Variants in MROH1 observed in about 807,000 individuals in gnomAD.
MROH1 encodes maestro heat-like repeat-containing protein family member 1.
MROH1 carries 117 observed loss-of-function variants against 116.5 expected under a neutral mutation model. The observed-to-expected ratio is 1.00, with a 90% confidence interval of 0.86 to 1.17. The LOEUF (loss-of-function observed/expected upper bound fraction) is 1.17. MROH1 is among the 50% of genes most tolerant of loss of function. The pLI is 0.00. For synonymous variants in MROH1, 921 were observed against 583.9 expected, an observed-to-expected ratio of 1.58 and a Z score of -8.32; for missense variants, 1,873 against 1,338.5, an observed-to-expected ratio of 1.40 and a Z score of -6.23.
rs780241144 is a variant in MROH1 at position 144,179,580 on chromosome 8, G to C, written c.294G>C (p.Lys98Asn). 6 of 1,608,932 alleles carry C rather than the reference G, an allele frequency of 3.7e-6. No individual in the cohort carries two copies. The African/African-American group carries it at 8.0e-5, about 21-fold the overall frequency. Residue 98 changes from lysine to asparagine, a missense_variant, in exon 5 of 44, where the codon AAG becomes AAC. Physicochemically the swap from Lys to Asn is moderately conservative, Grantham distance 94. Coordinates refer to ENST00000326134, the MANE Select transcript of MROH1 (RefSeq NM_032450.3). ...IILLASSEMTKTKDLVWDWQQ... is the reference protein window; with the variant it reads ...IILLASSEMTNTKDLVWDWQQ... ...TCCTGGCCTCCAGCGAGATGACCAA[G>C]ACGAAGGTATTCAGCAGGCCCTCTG...
chr8:144,247,009 G>T (rs1220128534), intron 29 of MROH1, among the ~76,000 whole-genome samples: 1 of 152,246 alleles, frequency 6.6e-6, no homozygotes, highest in Non-Finnish European at 1.5e-5. Flanking sequence ...ACACGCCTGC[G>T]TGCCCACGTC....
chr8:144,229,438 C>G (rs1174849621), intron 14 of MROH1, among the ~76,000 whole-genome samples: 2 of 139,920 alleles, frequency 1.4e-5, no homozygotes, highest in Non-Finnish European at 3.0e-5. Flanking sequence ...GGCTGGAGTT[C>G]AGTGGCTCCA....
rs989105209 is a variant in MROH1 at position 144,153,473 on chromosome 8, A to G, written c.-177+5397A>G. On this transcript the variant is annotated intron_variant, in intron 1 of 43. Coordinates refer to ENST00000326134, the MANE Select transcript of MROH1 (RefSeq NM_032450.3). ...CGGCCTCCCAAAGTGCTGGGATTAC[A>G]GGTGTGAGCCACTGCGCCCAGCCTC... 4.5e-4 allele frequency among the ~76,000 whole-genome samples: 69 copies of G among 152,282 alleles called. 4 individuals are homozygous for G. The South Asian group carries it at 0.014, about 31-fold the overall frequency.
Position 144,261,834 on chromosome 8 carries a change from G to T in MROH1, c.*94G>T. ...CCTGAGGACCACAGCCTGGGCACAC[G>T]ACTGGAGGGGCCTGGCCCCAGAACA... is the stretch of plus-strand genomic sequence containing the variant. On this transcript the variant is annotated 3_prime_UTR_variant, in exon 44 of 44. Coordinates refer to ENST00000326134, the MANE Select transcript of MROH1 (RefSeq NM_032450.3). The T allele has an allele frequency of 1.4e-6, 1 of 699,098 alleles. No individual in the cohort carries two copies. The highest frequency in any genetic ancestry group is 2.0e-5 in the Admixed American group (1 of 49,844). 43.3% of individuals were successfully genotyped at this position (699,098 alleles called of 1,614,324 possible).
chr8:144,231,244 AT>A (rs1369413749), intron 14 of MROH1, among the ~76,000 whole-genome samples: 2 of 151,568 alleles, frequency 1.3e-5, no homozygotes, highest in African/African-American at 4.9e-5. Flanking sequence ...CGATTTCTCA[AT>A]CTTTTCCCCA....
At chr8:144,228,289 G>A (rs1011460036) in intron 14 of MROH1, among the ~76,000 whole-genome samples, 15 of 152,196 alleles carry the variant, frequency 9.9e-5, no homozygotes, top group Admixed American at 6.5e-4. Context: ...ATAGCATTAT[G>A]TCTAAAAAGC....
chr8:144,236,095 G>A (rs1839991380), intron 14 of MROH1, among the ~76,000 whole-genome samples: 1 of 152,212 alleles, frequency 6.6e-6, no homozygotes, highest in East Asian at 1.9e-4. Context: ...CATACATTAT[G>A]TGGCTGCTGT....
intron 7 of MROH1, among the ~76,000 whole-genome samples, chr8:144,186,362 T>A (rs1160300560): frequency 1.3e-5 from 2 of 152,078 alleles, no homozygotes; most frequent in Admixed American, 6.5e-5. Flanking sequence ...CCTCAGGTGA[T>A]CTGTCCACCT....
chr8:144,170,175 A>T (rs1212414505), intron 4 of MROH1, among the ~76,000 whole-genome samples: 2 of 152,156 alleles, frequency 1.3e-5, no homozygotes, highest in African/African-American at 4.8e-5. Context: ...AATGAGGAGG[A>T]GAGAGAGGAG....
At chr8:144,176,998 C>A (rs6558314) in intron 4 of MROH1, among the ~76,000 whole-genome samples, 150,462 of 152,232 alleles carry the variant, frequency 0.99, 74,375 homozygotes, top group East Asian at 1. Flanking sequence ...CCAACACTCA[C>A]GGATGGGAAA....
intron 3 of MROH1, among the ~76,000 whole-genome samples, chr8:144,164,579 A>G (rs1371576214): frequency 6.6e-6 from 1 of 151,412 alleles, no homozygotes; most frequent in African/African-American, 2.4e-5. Context: ...AGTATTTTTC[A>G]TAGAGATGAG....
At position 144,242,587 on chromosome 8, in the gene MROH1, C is replaced by CT. The variant is rs1480455804; in HGVS notation, c.2326-10dup. 5.1e-6 allele frequency: 4 copies of CT among 780,168 alleles called. No homozygotes were observed. The highest frequency in any genetic ancestry group is 1.7e-5 in the Admixed American group (1 of 58,918). The allele number at this position is 780,168 out of a possible 1,614,324, so 48.3% of individuals were successfully genotyped here. ...GGGAGTCACGTCTTAACTCATTTCA[C>CT]TTTTTGTTGTTCAGGTTCTAGGAAT... is the stretch of plus-strand genomic sequence containing the variant. On this transcript the variant is annotated splice_polypyrimidine_tract_variant and intron_variant, in intron 23 of 43. Transcript: ENST00000326134.
In MROH1 at chr8:144,197,098, AAACAAC is replaced by A. The variant is rs796658550; in HGVS notation, c.949-2007_949-2002del. On this transcript the variant is annotated intron_variant, in intron 10 of 43. Coordinates refer to ENST00000326134, the MANE Select transcript of MROH1 (RefSeq NM_032450.3). Reference sequence around the variant, plus strand: ...AAACAGAGCAAGACTCTGTCTCAAAAAACAACAACAACAACAACAACATCTGTTATC... The same window carrying A: ...AAACAGAGCAAGACTCTGTCTCAAAAAACAACAACAACAACATCTGTTATC... Among the ~76,000 whole-genome samples, 68 of 152,150 alleles carry A rather than the reference AAACAAC, an allele frequency of 4.5e-4. 1 individual carries two copies. The highest frequency in any genetic ancestry group is 4.2e-4 in the South Asian group (2 of 4,810).
rs925680761 is a variant in MROH1 at position 144,241,535 on chromosome 8, G to T, written c.2178+18G>T. 17 of 777,864 alleles carry T rather than the reference G, an allele frequency of 2.2e-5. No homozygotes were observed. The highest frequency in any genetic ancestry group is 4.1e-5 in the Non-Finnish European group (17 of 417,358). The allele number at this position is 777,864 out of a possible 1,614,324, so 48.2% of individuals were successfully genotyped here. On this transcript the variant is annotated intron_variant, in intron 22 of 43. Coordinates refer to ENST00000326134, the MANE Select transcript of MROH1 (RefSeq NM_032450.3). ...TTTTTAAGGTTAGGGTGACACCGGTGCAGGGCTGGGGACGGCTGTCTATCC... is the reference window on the plus strand; with the variant it reads ...TTTTTAAGGTTAGGGTGACACCGGTTCAGGGCTGGGGACGGCTGTCTATCC...
At chr8:144,227,088 T>C (rs1358713906) in intron 14 of MROH1, among the ~76,000 whole-genome samples, 2 of 152,388 alleles carry the variant, frequency 1.3e-5, no homozygotes, top group African/African-American at 4.8e-5. Flanking sequence ...GCATACAGAA[T>C]ATACAATTAA....
intron 12 of MROH1, among the ~76,000 whole-genome samples, chr8:144,208,716 A>G (rs1254156496): frequency 6.6e-6 from 1 of 151,024 alleles, no homozygotes; most frequent in Non-Finnish European, 1.5e-5. Context: ...CCAATATCAC[A>G]CTTTTTTTTT....
intron 7 of MROH1, among the ~76,000 whole-genome samples, chr8:144,189,437 C>T (rs1255815317): frequency 6.6e-6 from 1 of 152,222 alleles, no homozygotes; most frequent in Non-Finnish European, 1.5e-5. Flanking sequence ...CCACTGACCA[C>T]TTGCACATCA....
chr8:144,257,390 C>G (rs1844084528), intron 35 of MROH1, among the ~76,000 whole-genome samples: 1 of 152,168 alleles, frequency 6.6e-6, no homozygotes, highest in African/African-American at 2.4e-5. Context: ...CAGTGGTATA[C>G]TGGGAGCAGG....
At chr8:144,171,438 G>A (rs148604075) in intron 4 of MROH1, among the ~76,000 whole-genome samples, 2 of 152,346 alleles carry the variant, frequency 1.3e-5, no homozygotes, top group African/African-American at 2.4e-5. Flanking sequence ...AGGCACCTGC[G>A]TGGGTTCCGC....
Sources: gnomAD v4.1 joint callset for allele counts (sites outside exome capture counted in the v4.1 genomes callset) on GRCh38, gnomAD v4.1.1 for gene constraint, MANE v1.5 for transcripts, NCBI Gene and HGNC (gene_info 2026-07-23, HGNC 2026-07-21) for gene names.